The following TRIM44 variants were observed in gnomAD, a reference collection of about 807,000 sequenced individuals.
The protein encoded by TRIM44 is tripartite motif-containing protein 44.
A neutral mutation model predicts 37.4 loss-of-function variants in TRIM44; 13 were observed. The ratio of observed to expected loss-of-function variants is 0.35; its 90% CI spans 0.23 to 0.55. The LOEUF (loss-of-function observed/expected upper bound fraction) is 0.55. TRIM44 is among the 20% of genes least tolerant of loss of function. The pLI is 0.89. For missense variants in TRIM44, 426 were observed against 437.2 expected (o/e 0.97, Z 0.23); for synonymous variants, 175 against 157.2 (o/e 1.11, Z -0.85).
At position 35,813,307 on chromosome 11, in the gene TRIM44, A is replaced by T. The variant is rs1258241986; in HGVS notation, c.*6922A>T. On this transcript the variant is annotated 3_prime_UTR_variant, in exon 5 of 5. Transcript: ENST00000299413. ...CAATGAGTAACTGAGACAGAACTAG[A>T]AAAATCTAGAACCTCTGCTGAACCC... 6.6e-6 allele frequency: 1 copy of T among 152,244 alleles called. No individual in the cohort carries two copies. The highest frequency in any genetic ancestry group is 1.5e-5 in the Non-Finnish European group (1 of 68,038). 9.4% of individuals were successfully genotyped at this position (152,244 alleles called of 1,614,324 possible). A position where few individuals can be genotyped will look rare whatever the true frequency, so the allele number is the denominator to read the frequency against.
intron 2 of TRIM44, among the ~76,000 whole-genome samples, chr11:35,710,485 A>G (rs913403222): frequency 1.4e-4 from 21 of 152,204 alleles, no homozygotes; most frequent in African/African-American, 5.1e-4. Flanking sequence ...TCGTGTGTGC[A>G]TGTGATACCT....
intron 2 of TRIM44, among the ~76,000 whole-genome samples, chr11:35,706,202 A>T (rs1324003312): frequency 6.7e-6 from 1 of 149,218 alleles, no homozygotes; most frequent in Non-Finnish European, 1.5e-5. Context: ...CCCTCCCAAG[A>T]CTAAACCAGG....
intron 4 of TRIM44, among the ~76,000 whole-genome samples, chr11:35,779,192 T>C (rs563833263): frequency 1.3e-5 from 2 of 152,216 alleles, no homozygotes. Context: ...GATCTCTGAC[T>C]GCTGTGCTTG....
chr11:35,690,135 G>A (rs1851623898), intron 2 of TRIM44, among the ~76,000 whole-genome samples: 1 of 151,416 alleles, frequency 6.6e-6, no homozygotes, highest in Admixed American at 6.6e-5. Flanking sequence ...TGAAACAGCA[G>A]TTTTTTTTTC....
chr11:35,725,868 C>A lies in TRIM44; in HGVS notation c.748-56C>A, dbSNP rs141970324. On this transcript the variant is annotated intron_variant, in intron 2 of 4. Transcript: ENST00000299413. ...CCAGGGCTGTATAGTAATAACTCTG[C>A]CCTTTTGTTTCTTTGTATGTTCAAC... The A allele has an allele frequency of 2.8e-3, 4,458 of 1,590,752 alleles. 27 individuals are homozygous for A. Among genetic ancestry groups the A allele is most frequent in the South Asian group, 9.9e-3 (857 of 86,592 alleles).
intron 2 of TRIM44, among the ~76,000 whole-genome samples, chr11:35,721,255 A>T (rs60090646): frequency 0.013 from 1,965 of 152,126 alleles, 46 homozygotes; most frequent in African/African-American, 0.045. Context: ...TTTTGTTGAG[A>T]TTTTCTTTAA....
At chr11:35,705,438 C>G (rs1851866138) in intron 2 of TRIM44, among the ~76,000 whole-genome samples, 1 of 152,180 alleles carries the variant, frequency 6.6e-6, no homozygotes. Context: ...GAATTCTCCA[C>G]CCCAAATCAA....
At chr11:35,788,193 C>G (rs1853154364) in intron 4 of TRIM44, among the ~76,000 whole-genome samples, 1 of 152,144 alleles carries the variant, frequency 6.6e-6, no homozygotes, top group Non-Finnish European at 1.5e-5. Flanking sequence ...GTGGTCAGCA[C>G]AGACTTCATG....
intron 2 of TRIM44, among the ~76,000 whole-genome samples, chr11:35,690,550 C>A (rs537765216): frequency 6.6e-6 from 1 of 152,328 alleles, no homozygotes; most frequent in East Asian, 1.9e-4. Flanking sequence ...ACTGTTTATT[C>A]AACCAGCTGA....
At chr11:35,673,921 C>T (rs1206026428) in intron 1 of TRIM44, among the ~76,000 whole-genome samples, 1 of 151,780 alleles carries the variant, frequency 6.6e-6, no homozygotes, top group African/African-American at 2.4e-5. Flanking sequence ...TCTGAGAAGC[C>T]AGAGATTCAT....
At chr11:35,750,929 A>G (rs1852551722) in intron 4 of TRIM44, among the ~76,000 whole-genome samples, 1 of 151,952 alleles carries the variant, frequency 6.6e-6, no homozygotes, top group Non-Finnish European at 1.5e-5. Context: ...ATTTTTAAAA[A>G]TTGCCATTAA....
intron 4 of TRIM44, among the ~76,000 whole-genome samples, chr11:35,743,304 A>C (rs1277718651): frequency 1.3e-5 from 2 of 152,174 alleles, no homozygotes; most frequent in Non-Finnish European, 1.5e-5. Flanking sequence ...AGAAGTTGTT[A>C]CTGTTTTCTG....
chr11:35,702,820 C>T (rs1047801587), intron 2 of TRIM44, among the ~76,000 whole-genome samples: 5 of 152,216 alleles, frequency 3.3e-5, no homozygotes, highest in East Asian at 1.9e-4. Flanking sequence ...CAGCTCCCAG[C>T]GTGAGCAACG....
intron 1 of TRIM44, among the ~76,000 whole-genome samples, chr11:35,671,496 A>G (rs973674189): frequency 1.6e-4 from 25 of 152,250 alleles, no homozygotes; most frequent in African/African-American, 5.5e-4. Context: ...GAGGCTAATT[A>G]TACAAGTTTA....
intron 4 of TRIM44, among the ~76,000 whole-genome samples, chr11:35,747,878 T>G (rs1852510061): frequency 1.5e-5 from 2 of 132,924 alleles, no homozygotes; most frequent in African/African-American, 2.8e-5. Context: ...AACTGGGGGG[T>G]ACGGTGCGGG....
At chr11:35,790,085 C>T (rs892345415) in intron 4 of TRIM44, among the ~76,000 whole-genome samples, 4 of 151,598 alleles carry the variant, frequency 2.6e-5, no homozygotes, top group Non-Finnish European at 2.9e-5. Context: ...TTTCAGTGCC[C>T]GGTACTTATG....
intron 4 of TRIM44, among the ~76,000 whole-genome samples, chr11:35,759,650 G>C (rs894465590): frequency 1.3e-5 from 2 of 152,168 alleles, no homozygotes; most frequent in East Asian, 3.8e-4. Context: ...TTTGGTCTTT[G>C]ATGATGGTGA....
chr11:35,744,017 T>C (rs745322737), intron 4 of TRIM44, among the ~76,000 whole-genome samples: 1 of 152,240 alleles, frequency 6.6e-6, no homozygotes, highest in African/African-American at 2.4e-5. Context: ...AATTATGTTG[T>C]AAGCACCCTG....
At chr11:35,790,782 T>C (rs944832207) in intron 4 of TRIM44, among the ~76,000 whole-genome samples, 1 of 152,058 alleles carries the variant, frequency 6.6e-6, no homozygotes, top group Non-Finnish European at 1.5e-5. Flanking sequence ...AATATTGAGG[T>C]TGGAATGCAG....
Sources: allele counts gnomAD v4.1 joint callset (sites outside exome capture counted in the v4.1 genomes callset), GRCh38; gene constraint gnomAD v4.1.1; transcripts MANE v1.5; gene names NCBI Gene and HGNC (gene_info 2026-07-23, HGNC 2026-07-21).